The following TEX14 variants were observed in gnomAD, a reference collection of about 807,000 sequenced individuals.
TEX14 encodes the protein testis expressed 14, intercellular bridge forming factor, also known as inactive serine/threonine-protein kinase TEX14.
TEX14 carries 168 observed loss-of-function variants against 178.6 expected under a neutral mutation model. The ratio of observed to expected loss-of-function variants is 0.94; its 90% CI spans 0.83 to 1.07. TEX14 has a LOEUF of 1.07. Ranked by LOEUF, TEX14 falls within the 50% of genes least tolerant of loss-of-function variation. The pLI, the probability that TEX14 is intolerant of heterozygous loss-of-function variation, is 0.00. For synonymous variants in TEX14, 626 were observed against 634.1 expected (o/e 0.99, Z 0.19); for missense variants, 1,730 against 1,753.6 (o/e 0.99, Z 0.24).
At chr17:58,582,182 C>T (rs1393179251) in intron 19 of TEX14, among the ~76,000 whole-genome samples, 1 of 151,988 alleles carries the variant, frequency 6.6e-6, no homozygotes, top group African/African-American at 2.4e-5. Context: ...AGGTTAAAGG[C>T]AAATGAAGAA....
chr17:58,652,510 G>A (rs1005768304), intron 1 of TEX14, among the ~76,000 whole-genome samples: 2 of 152,154 alleles, frequency 1.3e-5, no homozygotes, highest in African/African-American at 4.8e-5. Flanking sequence ...CATCTGCCAT[G>A]ATTTTAAGTT....
chr17:58,613,362 GT>G, intron 9 of TEX14, 58 bp downstream of exon 9: 1 of 1,609,084 alleles, frequency 6.2e-7, no homozygotes, highest in Middle Eastern at 1.7e-4. Flanking sequence ...GGGCAAGAGG[GT>G]GAGGAGGGAA....
chr17:58,642,557 C>T (rs1000340478), intron 2 of TEX14, among the ~76,000 whole-genome samples: 3 of 150,266 alleles, frequency 2.0e-5, no homozygotes, highest in East Asian at 1.9e-4. Flanking sequence ...TATGGAGTTT[C>T]GCTCTTGTTG....
intron 20 of TEX14, among the ~76,000 whole-genome samples, chr17:58,578,624 T>C (rs2044736222): frequency 6.6e-6 from 1 of 152,222 alleles, no homozygotes; most frequent in Non-Finnish European, 1.5e-5. Flanking sequence ...ATCTGACCTG[T>C]CTGCCCTAAA....
chr17:58,573,292 G>C lies in TEX14; in HGVS notation c.3400C>G (p.Gln1134Glu). ...KEKDISLTDI[Q>E]DLSSISYEPD... is the part of the protein sequence containing the mutation. ...TCATAGGAGATACTAGACAGGTCTTGAATATCCGTCAATGATCTAAAGAAT... is the reference window on the plus strand; with the variant it reads ...TCATAGGAGATACTAGACAGGTCTTCAATATCCGTCAATGATCTAAAGAAT... Residue 1134 changes from glutamine to glutamate, a missense_variant, in exon 23 of 32, where the codon CAA (glutamine) becomes GAA (glutamate). Coordinates refer to ENST00000349033, the MANE Select transcript of TEX14 (RefSeq NM_031272.5). The C allele has an allele frequency of 6.2e-7, 1 of 1,613,554 alleles. No homozygotes were observed. The highest frequency in any genetic ancestry group is 8.5e-7 in the Non-Finnish European group (1 of 1,179,562).
At chr17:58,632,870 G>A (rs1035523924) in intron 2 of TEX14, among the ~76,000 whole-genome samples, 1 of 152,180 alleles carries the variant, frequency 6.6e-6, no homozygotes, top group Non-Finnish European at 1.5e-5. Context: ...ATGAGGAACT[G>A]GGGGAGGGAC....
chr17:58,620,293 G>C (rs537078499), intron 5 of TEX14, among the ~76,000 whole-genome samples: 1 of 152,178 alleles, frequency 6.6e-6, no homozygotes, highest in South Asian at 2.1e-4. Context: ...AGTTTTAGCA[G>C]AGTGGTACAA....
chr17:58,599,749 A>G (rs576118310), intron 13 of TEX14, 83 bp from the exon 14 acceptor site: 1 of 1,121,586 alleles, frequency 8.9e-7, no homozygotes, highest in African/African-American at 1.6e-5. Flanking sequence ...CAAGAGGCAA[A>G]GACTGTCAAA....
At chr17:58,635,595 A>G (rs1451321134) in intron 2 of TEX14, among the ~76,000 whole-genome samples, 1 of 151,982 alleles carries the variant, frequency 6.6e-6, no homozygotes, top group Non-Finnish European at 1.5e-5. Context: ...ATGCCCAGCT[A>G]ATTTTTGTAT....
At chr17:58,676,239 G>A (rs2047392803) in intron 1 of TEX14, among the ~76,000 whole-genome samples, 1 of 152,152 alleles carries the variant, frequency 6.6e-6, no homozygotes, top group African/African-American at 2.4e-5. Context: ...AGCCAGGCGT[G>A]GTGGCAGGTG....
At chr17:58,619,744 G>T (rs1202938301) in intron 5 of TEX14, among the ~76,000 whole-genome samples, 1 of 150,264 alleles carries the variant, frequency 6.7e-6, no homozygotes, top group Non-Finnish European at 1.5e-5. Flanking sequence ...AGAGGTTGTG[G>T]TGAGCCGAGA....
At chr17:58,594,410 G>A (rs2045231847) in intron 14 of TEX14, among the ~76,000 whole-genome samples, 2 of 150,126 alleles carry the variant, frequency 1.3e-5, no homozygotes, top group African/African-American at 4.9e-5. Flanking sequence ...GAGTGCAGTA[G>A]CCTGGTCTCG....
chr17:58,661,572 G>C (rs891901354), intron 1 of TEX14: 2 of 736,742 alleles, frequency 2.7e-6, no homozygotes, highest in Admixed American at 2.0e-5. Context: ...CGCGGCGGCG[G>C]CAGGAACTCG....
At chr17:58,670,044 G>T (rs1048158864) in intron 1 of TEX14, among the ~76,000 whole-genome samples, 1 of 152,180 alleles carries the variant, frequency 6.6e-6, no homozygotes, top group East Asian at 1.9e-4. Context: ...TCCAGCCTCA[G>T]AGCCTTTGCC....
In TEX14 at chr17:58,573,164, C is replaced by G; in HGVS notation, c.3511+17G>C. 1 of 1,613,412 alleles carries G rather than the reference C, an allele frequency of 6.2e-7. No homozygotes were observed. The highest frequency in any genetic ancestry group is 8.5e-7 in the Non-Finnish European group (1 of 1,179,542). ...TGTAAGTCCTTCTCCCCAAACACTT[C>G]TCTTCCCTGTGATTACCTGGGCTGA... is the stretch of plus-strand genomic sequence containing the variant. On this transcript the variant is annotated intron_variant, in intron 23 of 31. Transcript: ENST00000349033.
intron 9 of TEX14, among the ~76,000 whole-genome samples, chr17:58,612,275 G>A (rs994799979): frequency 2.6e-5 from 4 of 152,132 alleles, no homozygotes; most frequent in Non-Finnish European, 4.4e-5. Context: ...GGTCCACTGC[G>A]CTCTTAGATG....
At chr17:58,563,473 C>T (rs12150536) in intron 28 of TEX14, among the ~76,000 whole-genome samples, 28,005 of 150,904 alleles carry the variant, frequency 0.19, 2,773 homozygotes, top group Non-Finnish European at 0.21. Context: ...GAGAAAATAA[C>T]AACAAATAAC....
Position 58,601,802 on chromosome 17 carries a change from A to G in TEX14, c.1678+4T>C, listed in dbSNP as rs2045454521. On this transcript the variant is annotated splice_donor_region_variant and intron_variant, in intron 13 of 31. Transcript: ENST00000349033. The stretch of plus-strand genomic sequence containing the variant: ...CTAACACAACCTGTGAATTAAGGCC[A>G]TACCCATTTCCTTTAGTTCTATGAT... The G allele has an allele frequency of 6.2e-7, 1 of 1,611,872 alleles. No individual in the cohort carries two copies. Among genetic ancestry groups the G allele is most frequent in the African/African-American group, 1.3e-5 (1 of 74,868 alleles).
chr17:58,590,830 C>T (rs112927447), intron 15 of TEX14, among the ~76,000 whole-genome samples: 3,516 of 152,052 alleles, frequency 0.023, 129 homozygotes, highest in African/African-American at 0.08. Context: ...GCTGGGATTA[C>T]AGGTGGGAGC....
Sources: allele counts gnomAD v4.1 joint callset (sites outside exome capture counted in the v4.1 genomes callset), GRCh38; gene constraint gnomAD v4.1.1; transcripts MANE v1.5; gene names NCBI Gene and HGNC (gene_info 2026-07-23, HGNC 2026-07-21).